Variants in USP6NL observed in about 807,000 individuals in gnomAD.
USP6NL encodes the protein USP6 N-terminal-like protein.
A neutral mutation model predicts 61.9 loss-of-function variants in USP6NL; 26 were observed. The observed-to-expected ratio is 0.42, with a 90% confidence interval of 0.31 to 0.58. The LOEUF (loss-of-function observed/expected upper bound fraction) is 0.58. Among genes scored for constraint, USP6NL ranks in the 20% least tolerant of loss-of-function variants. The pLI is 0.16. For missense variants in USP6NL, 1,114 were observed against 1,034.3 expected (o/e 1.08, Z -1.06); for synonymous variants, 432 against 390.1 (o/e 1.11, Z -1.27).
chr10:11,605,035 A>C (rs1838660627), intron 1 of USP6NL, among the ~76,000 whole-genome samples: 1 of 152,204 alleles, frequency 6.6e-6, no homozygotes, highest in African/African-American at 2.4e-5. Flanking sequence ...AGTTAAGATT[A>C]GTGTACATTA....
rs1313819646 is a variant in USP6NL at position 11,587,715 on chromosome 10, T to C, written c.4+9916A>G. 6.6e-6 allele frequency among the ~76,000 whole-genome samples: 1 copy of C among 152,216 alleles called. No homozygotes were observed. Among genetic ancestry groups the C allele is most frequent in the Non-Finnish European group, 1.5e-5 (1 of 68,022 alleles). ...CCTTCATAGCATTTGTTCAGTAGCA[T>C]CTTGAGATTTTTATCAAGATAATTC... is the stretch of plus-strand genomic sequence containing the variant. On this transcript the variant is annotated intron_variant, in intron 2 of 14. Transcript: ENST00000609104. The surrounding 1 kb of genome is among the most constrained non-coding windows in gnomAD (Gnocchi z 4.5).
intron 10 of USP6NL, among the ~76,000 whole-genome samples, chr10:11,488,440 G>A (rs1276830363): frequency 1.3e-5 from 2 of 152,122 alleles, no homozygotes; most frequent in Non-Finnish European, 2.9e-5. Flanking sequence ...CTGAAATAAA[G>A]TTTATTGCTT....
intron 2 of USP6NL, among the ~76,000 whole-genome samples, chr10:11,556,311 A>T (rs1282953591): frequency 6.6e-6 from 1 of 152,222 alleles, no homozygotes; most frequent in Non-Finnish European, 1.5e-5. Context: ...TATAACAGGT[A>T]TGAGAATACA....
chr10:11,527,777 A>C (rs187321225), intron 2 of USP6NL, among the ~76,000 whole-genome samples: 2 of 152,374 alleles, frequency 1.3e-5, no homozygotes, highest in East Asian at 1.9e-4. Context: ...AAGTTCATTA[A>C]GGCATAAACT....
rs1834740522 is a variant in USP6NL at position 11,511,999 on chromosome 10, T to C, written c.196-2324A>G. Among the ~76,000 whole-genome samples the C allele has an allele frequency of 6.6e-6, 1 of 152,126 alleles. No individual in the cohort carries two copies. Among genetic ancestry groups the C allele is most frequent in the Non-Finnish European group, 1.5e-5 (1 of 68,028 alleles). ...CAATCATGAATCTATAATTCATAGA[T>C]GAAATATACTTTCTCACCAAAGATG... On this transcript the variant is annotated intron_variant, in intron 5 of 14. Coordinates refer to ENST00000609104, the MANE Select transcript of USP6NL (RefSeq NM_014688.5). The surrounding 1 kb of genome is among the most constrained non-coding windows in gnomAD (Gnocchi z 4.9).
chr10:11,485,684 A>T lies in USP6NL; in HGVS notation c.759+133T>A. The T allele has an allele frequency of 1.6e-6, 1 of 626,524 alleles. No homozygotes were observed. The highest frequency in any genetic ancestry group is 2.7e-6 in the Non-Finnish European group (1 of 370,790). The allele number at this position is 626,524 out of a possible 1,614,324, so 38.8% of individuals were successfully genotyped here. On this transcript the variant is annotated intron_variant, in intron 11 of 14. Coordinates refer to ENST00000609104, the MANE Select transcript of USP6NL (RefSeq NM_014688.5). This position sits in a 1 kb window ranked among gnomAD's most constrained non-coding sequence, Gnocchi z 4.8. ...TCTAATGGTTTGTAAACAACTGGGA[A>T]TTATAACTGCATAGTAAATGAAATG... is the stretch of plus-strand genomic sequence containing the variant.
At chr10:11,576,796 T>C (rs540883711) in intron 2 of USP6NL, among the ~76,000 whole-genome samples, 2 of 152,328 alleles carry the variant, frequency 1.3e-5, no homozygotes, top group South Asian at 4.1e-4. Flanking sequence ...AAATCCTCCC[T>C]CTCTGATATT....
At chr10:11,544,646 C>G (rs939904529) in intron 2 of USP6NL, among the ~76,000 whole-genome samples, 3 of 152,180 alleles carry the variant, frequency 2.0e-5, no homozygotes, top group Admixed American at 6.5e-5. Flanking sequence ...TGCCACCACA[C>G]CTGGCCAACC....
chr10:11,543,813 T>G (rs1836164683), intron 2 of USP6NL, among the ~76,000 whole-genome samples: 1 of 125,796 alleles, frequency 7.9e-6, no homozygotes, highest in African/African-American at 3.0e-5. Context: ...GTTTTTTTTT[T>G]TTTTTTTTTT....
At chr10:11,473,467 G>C (rs78030732) in intron 14 of USP6NL, among the ~76,000 whole-genome samples, 2 of 152,158 alleles carry the variant, frequency 1.3e-5, no homozygotes, top group Non-Finnish European at 2.9e-5. Flanking sequence ...GGCTTCAGGC[G>C]ATGCTTAAAC....
chr10:11,541,273 A>ATGTATG (rs1555169598), intron 2 of USP6NL, among the ~76,000 whole-genome samples: 1 of 113,560 alleles, frequency 8.8e-6, no homozygotes, highest in African/African-American at 3.7e-5. Context: ...ATATATATAT[A>ATGTATG]TATGTATGTC....
rs189657427 is a variant in USP6NL at position 11,592,130 on chromosome 10, C to T, written c.4+5501G>A. ...CAGGTGATCTGGCCACCTCAGCCTC[C>T]CAAAGTATTGGCATTACAGCCGTGA... On this transcript the variant is annotated intron_variant, in intron 2 of 14. Coordinates refer to ENST00000609104, the MANE Select transcript of USP6NL (RefSeq NM_014688.5). This position sits in a 1 kb window ranked among gnomAD's most constrained non-coding sequence, Gnocchi z 4.7. Among the ~76,000 whole-genome samples, 2 of 152,278 alleles carry T rather than the reference C, an allele frequency of 1.3e-5. No homozygotes were observed. The highest frequency in any genetic ancestry group is 1.9e-4 in the East Asian group (1 of 5,190).
intron 2 of USP6NL, among the ~76,000 whole-genome samples, chr10:11,559,341 A>C (rs1836834916): frequency 6.6e-6 from 1 of 152,200 alleles, no homozygotes; most frequent in Admixed American, 6.5e-5. Context: ...CAAAAATATC[A>C]TAAAAATAAG....
In USP6NL at chr10:11,589,360, G is replaced by A. The variant is rs988372161; in HGVS notation, c.4+8271C>T. The stretch of plus-strand genomic sequence containing the variant: ...TTGTCAAAAGTAAACAGTTTGCAAT[G>A]CTCTTCCAACACTGGTAATAGCTGG... On this transcript the variant is annotated intron_variant, in intron 2 of 14. Transcript: ENST00000609104. This position sits in a 1 kb window ranked among gnomAD's most constrained non-coding sequence, Gnocchi z 4.7. 6.6e-6 allele frequency among the ~76,000 whole-genome samples: 1 copy of A among 152,102 alleles called. No individual in the cohort carries two copies. The highest frequency in any genetic ancestry group is 1.5e-5 in the Non-Finnish European group (1 of 68,012).
At chr10:11,610,133 G>C (rs1413230373) in intron 1 of USP6NL, among the ~76,000 whole-genome samples, 1 of 152,004 alleles carries the variant, frequency 6.6e-6, no homozygotes, top group East Asian at 1.9e-4. Flanking sequence ...CTTGCAATTA[G>C]GATTTCTTCC....
In USP6NL at chr10:11,525,295, C is replaced by G. The variant is rs1352642187; in HGVS notation, c.155+91G>C. The G allele has an allele frequency of 9.6e-7, 1 of 1,040,846 alleles. No homozygotes were observed. Among genetic ancestry groups the G allele is most frequent in the African/African-American group, 1.7e-5 (1 of 58,520 alleles). 64.5% of individuals were successfully genotyped at this position (1,040,846 alleles called of 1,614,324 possible). On this transcript the variant is annotated intron_variant, in intron 4 of 14. Coordinates refer to ENST00000609104, the MANE Select transcript of USP6NL (RefSeq NM_014688.5). This position sits in a 1 kb window ranked among gnomAD's most constrained non-coding sequence, Gnocchi z 5.0. ...TTGTAAGACTATTCCTTATTCACAG[C>G]AATTATATTAAAAATAAAGAAAATC...
At chr10:11,503,229 C>T (rs1010571862) in intron 6 of USP6NL, among the ~76,000 whole-genome samples, 1 of 152,140 alleles carries the variant, frequency 6.6e-6, no homozygotes, top group African/African-American at 2.4e-5. Context: ...ATATGACTGA[C>T]TTCAGTGGAC....
rs932674726 is a variant in USP6NL, at chr10:11,525,805, A to G, written c.73-337T>C. On this transcript the variant is annotated intron_variant, in intron 3 of 14. Transcript: ENST00000609104. This position sits in a 1 kb window ranked among gnomAD's most constrained non-coding sequence, Gnocchi z 5.0. ...AAAGCCACTCCAGAAGAAACTGCCG[A>G]ACCTTACAGTTCTAGACCAAACACG... Among the ~76,000 whole-genome samples the G allele has an allele frequency of 1.3e-5, 2 of 152,204 alleles. No individual in the cohort carries two copies. Among genetic ancestry groups the G allele is most frequent in the African/African-American group, 2.4e-5 (1 of 41,440 alleles).
chr10:11,537,473 T>C lies in USP6NL; in HGVS notation c.5-9906A>G, dbSNP rs1448670024. Among the ~76,000 whole-genome samples, 1 of 152,228 alleles carries C rather than the reference T, an allele frequency of 6.6e-6. No individual in the cohort carries two copies. The highest frequency in any genetic ancestry group is 1.5e-5 in the Non-Finnish European group (1 of 68,032). On this transcript the variant is annotated intron_variant, in intron 2 of 14. Coordinates refer to ENST00000609104, the MANE Select transcript of USP6NL (RefSeq NM_014688.5). The surrounding 1 kb of genome is among the most constrained non-coding windows in gnomAD (Gnocchi z 5.1). ...TCAAAGTGTTCAAAAGAAATAAGCC[T>C]AAATGTTCTTCAATTTTAACTTTTC...
Sources: gnomAD v4.1 joint callset for allele counts (sites outside exome capture counted in the v4.1 genomes callset) on GRCh38, gnomAD v4.1.1 for gene constraint, Gnocchi (gnomAD v3.1) non-coding constraint, MANE v1.5 for transcripts, NCBI Gene and HGNC (gene_info 2026-07-23, HGNC 2026-07-21) for gene names.